Variants in NUP98 observed in about 807,000 individuals in gnomAD.
NUP98 encodes the protein nucleoporin 98 and 96 precursor, also known as nuclear pore complex protein Nup98-Nup96.
NUP98 carries 26 observed loss-of-function variants against 191.9 expected under a neutral mutation model. The ratio of observed to expected loss-of-function variants is 0.14; its 90% confidence interval spans 0.10 to 0.19. The LOEUF (loss-of-function observed/expected upper bound fraction) is 0.19. Ranked by LOEUF, NUP98 falls within the 10% of genes least tolerant of loss-of-function variation. The probability of loss-of-function intolerance (pLI) is 1.00; values close to 1 mark genes in which losing one functional copy is unlikely to be tolerated. For synonymous variants in NUP98, 808 were observed against 778.4 expected, an observed-to-expected ratio of 1.04 and a Z score of -0.63; for missense variants, 1,941 against 2,178.8, an observed-to-expected ratio of 0.89 and a Z score of 2.17.
At chr11:3,746,773 G>A (rs866781078) in intron 11 of NUP98, among the ~76,000 whole-genome samples, 5 of 151,756 alleles carry the variant, frequency 3.3e-5, no homozygotes, top group South Asian at 2.1e-4. Context: ...TTAGCTGGTC[G>A]TGGTGGCACA....
chr11:3,774,491 G>A (rs372843046), intron 5 of NUP98, among the ~76,000 whole-genome samples: 58 of 152,134 alleles, frequency 3.8e-4, no homozygotes, highest in African/African-American at 1.3e-3. Context: ...TTGGGAGGCC[G>A]AGGCGGGTGG....
At chr11:3,694,094 G>A (rs545850432) in intron 26 of NUP98, among the ~76,000 whole-genome samples, 14 of 148,742 alleles carry the variant, frequency 9.4e-5, no homozygotes, top group Middle Eastern at 3.5e-3. Flanking sequence ...AAAAAAGGCC[G>A]GGTGCAGTGG....
At chr11:3,791,720 G>A (rs1222386079) in intron 1 of NUP98, among the ~76,000 whole-genome samples, 2 of 151,544 alleles carry the variant, frequency 1.3e-5, no homozygotes, top group African/African-American at 4.9e-5. Flanking sequence ...GCACCTGCCT[G>A]TAATCCCAGC....
intron 31 of NUP98, among the ~76,000 whole-genome samples, chr11:3,678,994 C>A (rs1481160079): frequency 6.6e-6 from 1 of 151,882 alleles, no homozygotes; most frequent in South Asian, 2.1e-4. Context: ...TGGTGGCACA[C>A]ACCCTATACT....
At chr11:3,716,787 A>C (rs541772037) in intron 18 of NUP98, among the ~76,000 whole-genome samples, 1 of 152,312 alleles carries the variant, frequency 6.6e-6, no homozygotes, top group East Asian at 1.9e-4. Flanking sequence ...TCTGTATGCC[A>C]CTACCATACT....
chr11:3,745,565 T>C (rs1374399926), intron 11 of NUP98, among the ~76,000 whole-genome samples: 1 of 152,096 alleles, frequency 6.6e-6, no homozygotes, highest in Non-Finnish European at 1.5e-5. Flanking sequence ...TAAAAAAAAT[T>C]CCATTCAATT....
intron 22 of NUP98, among the ~76,000 whole-genome samples, chr11:3,703,834 T>C (rs940198110): frequency 2.6e-5 from 4 of 152,204 alleles, no homozygotes; most frequent in African/African-American, 4.8e-5. Flanking sequence ...AAAATTTTTT[T>C]AACATTTAAA....
intron 14 of NUP98, 41 bp downstream of exon 14, chr11:3,731,350 A>G (rs1220973358): frequency 4.8e-6 from 6 of 1,253,584 alleles, no homozygotes; most frequent in Non-Finnish European, 6.6e-6. Context: ...AGTTTATATC[A>G]GTATTTTACA....
At chr11:3,719,660 T>G in intron 17 of NUP98, 110 bp from the exon 18 acceptor site, 1 of 758,370 alleles carries the variant, frequency 1.3e-6, no homozygotes, top group Non-Finnish European at 1.9e-6. Context: ...TAAGTATTAG[T>G]ATTTTAAATA....
Position 3,793,059 on chromosome 11 carries a change from T to C in NUP98, c.-29+4341A>G, listed in dbSNP as rs896296405. On this transcript the variant is annotated intron_variant, in intron 1 of 32. Coordinates refer to ENST00000324932, the MANE Select transcript of NUP98 (RefSeq NM_016320.5). ...CTGGGAGGCGGAGGTTGGAGTACGC[T>C]GAGATAGCGCCACTGCACTCCGACT... Among the ~76,000 whole-genome samples, 15 of 152,130 alleles carry C rather than the reference T, an allele frequency of 9.9e-5. 1 individual carries two copies. The East Asian group carries it at 2.7e-3, about 27-fold the overall frequency.
intron 1 of NUP98, among the ~76,000 whole-genome samples, chr11:3,782,404 C>T (rs566340076): frequency 6.6e-6 from 1 of 151,314 alleles, no homozygotes; most frequent in East Asian, 1.9e-4. Flanking sequence ...CCATTTAAAA[C>T]AATGTTTTCA....
intron 27 of NUP98, 40 bp downstream of exon 27, chr11:3,693,192 C>G: frequency 6.2e-7 from 1 of 1,608,642 alleles, no homozygotes; most frequent in Non-Finnish European, 8.5e-7. Flanking sequence ...TACTTTAACA[C>G]CCAGCAAGAT....
chr11:3,770,571 GTGTA>G (rs888910213), intron 7 of NUP98, among the ~76,000 whole-genome samples: 2 of 150,194 alleles, frequency 1.3e-5, no homozygotes, highest in African/African-American at 4.9e-5. Flanking sequence ...GTGTGTGTGT[GTGTA>G]TGTACATCTC....
At chr11:3,761,564 C>T (rs1337629669) in intron 9 of NUP98, among the ~76,000 whole-genome samples, 1 of 152,144 alleles carries the variant, frequency 6.6e-6, no homozygotes, top group East Asian at 1.9e-4. Flanking sequence ...TCGAGACCAG[C>T]CTGGCCACCA....
At chr11:3,718,377 A>G (rs1209861575) in intron 18 of NUP98, among the ~76,000 whole-genome samples, 2 of 152,074 alleles carry the variant, frequency 1.3e-5, no homozygotes, top group Non-Finnish European at 2.9e-5. Flanking sequence ...CTCTACTAAA[A>G]ATACAAAAAT....
chr11:3,745,992 G>A lies in NUP98; in HGVS notation c.1268-1343C>T, dbSNP rs533317706. On this transcript the variant is annotated intron_variant, in intron 11 of 32. Transcript: ENST00000324932. Reference sequence around the variant, plus strand: ...TCATTAAAAATAAGACAACAGGGCCGGGCACGGTGCCTCACGCCTGTAATC... The same window carrying A: ...TCATTAAAAATAAGACAACAGGGCCAGGCACGGTGCCTCACGCCTGTAATC... Among the ~76,000 whole-genome samples the A allele has an allele frequency of 1.8e-3, 271 of 152,076 alleles. 2 individuals are homozygous for A. Among genetic ancestry groups the A allele is most frequent in the Non-Finnish European group, 1.0e-3 (68 of 67,994 alleles).
At chr11:3,747,201 T>A (rs1218700296) in intron 11 of NUP98, among the ~76,000 whole-genome samples, 1 of 152,108 alleles carries the variant, frequency 6.6e-6, no homozygotes, top group Non-Finnish European at 1.5e-5. Flanking sequence ...AGAAGCTATA[T>A]GGGGGGCAAA....
At chr11:3,751,588 C>T (rs886997424) in intron 11 of NUP98, among the ~76,000 whole-genome samples, 7 of 152,136 alleles carry the variant, frequency 4.6e-5, no homozygotes, top group Admixed American at 1.3e-4. Flanking sequence ...GCAGAGAGCA[C>T]TGACTCATGC....
rs1384096839 is a variant in NUP98 at position 3,720,843 on chromosome 11, A to C, written c.2147-18T>G. ...AATAATACCTGTGACAAAAAAAAAA[A>C]AAAAAACAGAAAAAAAAATAACCTG... is the stretch of plus-strand genomic sequence containing the variant. On this transcript the variant is annotated intron_variant, in intron 16 of 32. Coordinates refer to ENST00000324932, the MANE Select transcript of NUP98 (RefSeq NM_016320.5). 1.0e-6 allele frequency: 1 copy of C among 962,382 alleles called. No homozygotes were observed. Among genetic ancestry groups the C allele is most frequent in the African/African-American group, 1.7e-5 (1 of 59,586 alleles). 59.6% of individuals were successfully genotyped at this position (962,382 alleles called of 1,614,324 possible). A position where few individuals can be genotyped will look rare whatever the true frequency, so the allele number is the denominator to read the frequency against.
Sources: gnomAD v4.1 joint callset for allele counts (sites outside exome capture counted in the v4.1 genomes callset) on GRCh38, gnomAD v4.1.1 for gene constraint, MANE v1.5 for transcripts, NCBI Gene and HGNC (gene_info 2026-07-23, HGNC 2026-07-21) for gene names.